LMO7: variants seen among roughly 807,000 people sequenced by gnomAD.
LMO7 encodes LIM domain only protein 7.
In LMO7, 120 loss-of-function variants were observed where a neutral mutation model predicts 206.5. The ratio of observed to expected loss-of-function variants is 0.58; its 90% confidence interval spans 0.50 to 0.68. The LOEUF (loss-of-function observed/expected upper bound fraction) is 0.68. LMO7 is among the 30% of genes least tolerant of loss of function. LMO7 has a pLI of 0.00. For synonymous variants in LMO7, 706 were observed against 681.5 expected, an observed-to-expected ratio of 1.04 and a Z score of -0.56; for missense variants, 1,959 against 1,957.9, an observed-to-expected ratio of 1.00 and a Z score of -0.01.
At chr13:75,686,763 A>G (rs1336539827) in intron 1 of LMO7, among the ~76,000 whole-genome samples, 1 of 152,100 alleles carries the variant, frequency 6.6e-6, no homozygotes, top group Non-Finnish European at 1.5e-5. Context: ...ATAACAGAGT[A>G]TATAGGGTGC....
chr13:75,694,434 G>C (rs2041747977), intron 1 of LMO7, among the ~76,000 whole-genome samples: 1 of 152,176 alleles, frequency 6.6e-6, no homozygotes, highest in Admixed American at 6.5e-5. Flanking sequence ...GGAAGGTTTT[G>C]AGCAGTGTTT....
At chr13:75,797,126 G>T (rs565990752) in intron 6 of LMO7, among the ~76,000 whole-genome samples, 1 of 152,138 alleles carries the variant, frequency 6.6e-6, no homozygotes, top group African/African-American at 2.4e-5. Context: ...CTGTTCACGC[G>T]CATGGAATTT....
chr13:75,701,280 G>A (rs1005432491), intron 1 of LMO7, among the ~76,000 whole-genome samples: 3 of 152,126 alleles, frequency 2.0e-5, no homozygotes, highest in South Asian at 2.1e-4. Context: ...CGTCTCAGCC[G>A]CATTACTTAA....
chr13:75,654,845 C>A (rs1160399635), intron 1 of LMO7, among the ~76,000 whole-genome samples: 1 of 150,940 alleles, frequency 6.6e-6, no homozygotes, highest in Non-Finnish European at 1.5e-5. Context: ...CCTTTTTACA[C>A]AATACAACTA....
chr13:75,668,312 C>T (rs1023471113), intron 1 of LMO7, among the ~76,000 whole-genome samples: 4 of 152,210 alleles, frequency 2.6e-5, no homozygotes, highest in East Asian at 1.9e-4. Context: ...AATCTCAGGT[C>T]AGGTCTTTTT....
At chr13:75,723,622 A>T (rs1032856958) in intron 2 of LMO7, among the ~76,000 whole-genome samples, 1 of 152,214 alleles carries the variant, frequency 6.6e-6, no homozygotes, top group Non-Finnish European at 1.5e-5. Context: ...ATTGAGCTTT[A>T]TATACAGTTT....
At chr13:75,834,181 G>A in intron 16 of LMO7, 45 bp from the exon 17 acceptor site, 1 of 1,464,796 alleles carries the variant, frequency 6.8e-7, no homozygotes, top group East Asian at 2.4e-5. Flanking sequence ...AATAGAACAT[G>A]TGGGATTTTT....
chr13:75,659,494 C>T (rs1054465043), intron 1 of LMO7, among the ~76,000 whole-genome samples: 1 of 152,110 alleles, frequency 6.6e-6, no homozygotes, highest in African/African-American at 2.4e-5. Context: ...AGGTGAAAGG[C>T]ACTTCTTACG....
At position 75,762,302 on chromosome 13, in the gene LMO7, G is replaced by A. The variant is rs1176193364; in HGVS notation, c.317+1264G>A. Among the ~76,000 whole-genome samples, 4 of 152,186 alleles carry A rather than the reference G, an allele frequency of 2.6e-5. No individual in the cohort carries two copies. In the East Asian group the frequency reaches 5.8e-4, roughly 22 times the overall value. ...ATGTTTGCTTCTGTAGTATGTAGGGGTCATGTTTACTTTCCATAAAAATTA... is the reference window on the plus strand; with the variant it reads ...ATGTTTGCTTCTGTAGTATGTAGGGATCATGTTTACTTTCCATAAAAATTA... On this transcript the variant is annotated intron_variant, in intron 4 of 30. Coordinates refer to ENST00000377534, the MANE Select transcript of LMO7 (RefSeq NM_001306080.2).
chr13:75,629,745 A>G (rs1340954146), intron 2 of LMO7, among the ~76,000 whole-genome samples: 1 of 152,196 alleles, frequency 6.6e-6, no homozygotes, highest in Non-Finnish European at 1.5e-5. Flanking sequence ...CAAGAAGGTC[A>G]TCACTGTTTC....
chr13:75,856,784 C>G (rs2060998331), intron 30 of LMO7, 176 bp downstream of exon 30: 1 of 533,408 alleles, frequency 1.9e-6, no homozygotes, highest in Non-Finnish European at 3.4e-6. Flanking sequence ...GGTCACTGCT[C>G]AGGGTTCCAG....
rs113624308 is a variant in LMO7 at position 75,646,163 on chromosome 13, A to G, written c.69+9437A>G. On this transcript the variant is annotated intron_variant, in intron 1 of 30. Transcript: ENST00000377534. ...GTTCAGCCAGTTGCTCAGGCTTCCA[A>G]ATTTGAAGTCATTATTGACTCTTGT... 2.1e-3 allele frequency among the ~76,000 whole-genome samples: 313 copies of G among 152,214 alleles called. 1 individual carries two copies. The highest frequency in any genetic ancestry group is 7.2e-3 in the African/African-American group (300 of 41,530).
intron 1 of LMO7, among the ~76,000 whole-genome samples, chr13:75,708,940 C>A (rs1408937228): frequency 6.6e-6 from 1 of 152,032 alleles, no homozygotes; most frequent in African/African-American, 2.4e-5. Flanking sequence ...AATGCTATCC[C>A]TCCCCGCTCC....
intron 2 of LMO7, among the ~76,000 whole-genome samples, chr13:75,713,553 T>C (rs2043291630): frequency 6.6e-6 from 1 of 152,232 alleles, no homozygotes; most frequent in South Asian, 2.1e-4. Context: ...GGAAGCCTTA[T>C]GACATGTTAC....
At chr13:75,764,284 G>A (rs1249492100) in intron 4 of LMO7, among the ~76,000 whole-genome samples, 2 of 152,118 alleles carry the variant, frequency 1.3e-5, no homozygotes, top group South Asian at 4.1e-4. Flanking sequence ...TTGTGTGGAT[G>A]AAAAACTGGA....
intron 24 of LMO7, 93 bp from the exon 25 acceptor site, chr13:75,842,758 C>T (rs1433968378): frequency 3.9e-6 from 3 of 759,862 alleles, no homozygotes; most frequent in Non-Finnish European, 2.3e-6. Context: ...CATAAAGAGG[C>T]TAGAATGACA....
chr13:75,625,515 C>T (rs1434563677), intron 2 of LMO7, among the ~76,000 whole-genome samples: 1 of 152,004 alleles, frequency 6.6e-6, no homozygotes, highest in African/African-American at 2.4e-5. Context: ...GGCTTCCTCT[C>T]CAGTTGATTT....
chr13:75,700,170 CAT>C (rs1488336640), intron 1 of LMO7, among the ~76,000 whole-genome samples: 2 of 152,316 alleles, frequency 1.3e-5, no homozygotes, highest in South Asian at 2.1e-4. Context: ...TTCAAACACA[CAT>C]GTTTTACAAA....
intron 1 of LMO7, among the ~76,000 whole-genome samples, chr13:75,646,067 A>G (rs2036978843): frequency 6.6e-6 from 1 of 152,042 alleles, no homozygotes; most frequent in African/African-American, 2.4e-5. Flanking sequence ...TCTTAGTACT[A>G]CCCCTTTCCC....
Sources: gnomAD v4.1 joint callset for allele counts (sites outside exome capture counted in the v4.1 genomes callset) on GRCh38, gnomAD v4.1.1 for gene constraint, MANE v1.5 for transcripts, NCBI Gene and HGNC (gene_info 2026-07-23, HGNC 2026-07-21) for gene names.